The following MAP4K4 variants were observed in gnomAD, a reference collection of about 807,000 sequenced individuals.
MAP4K4 encodes the protein HPK/GCK-like kinase HGK.
A neutral mutation model predicts 189.6 loss-of-function variants in MAP4K4; 38 were observed. That is an observed-to-expected ratio of 0.20 (90% CI 0.15 to 0.26). The LOEUF (loss-of-function observed/expected upper bound fraction) is 0.26. Ranked by LOEUF, MAP4K4 falls within the 10% of genes least tolerant of loss-of-function variation. The pLI is 1.00. For missense variants in MAP4K4, 1,054 were observed against 1,726.9 expected (o/e 0.61, Z 6.91); for synonymous variants, 610 against 624.3 (o/e 0.98, Z 0.34).
chr2:101,888,746 A>G (rs756404814), intron 31 of MAP4K4, 50 bp from the exon 32 acceptor site: 1 of 1,442,222 alleles, frequency 6.9e-7, no homozygotes, highest in South Asian at 1.5e-5. Flanking sequence ...ACATCTTTTC[A>G]GGGCTGTTTC....
chr2:101,744,031 C>G (rs2064011417), intron 2 of MAP4K4, among the ~76,000 whole-genome samples: 1 of 152,158 alleles, frequency 6.6e-6, no homozygotes, highest in Non-Finnish European at 1.5e-5. Context: ...TCTAGCACCT[C>G]TCTTTACTCT....
chr2:101,732,361 A>T lies in MAP4K4; in HGVS notation c.123+33823A>T, dbSNP rs2058813545. On this transcript the variant is annotated intron_variant, in intron 2 of 32. Coordinates refer to ENST00000324219, the Ensembl canonical transcript of MAP4K4. ...GAGAATGGCAGGCAACCATTCAGAGAAAGTGGTTTTACCATCTCGAGGTGA... is the reference window on the plus strand; with the variant it reads ...GAGAATGGCAGGCAACCATTCAGAGTAAGTGGTTTTACCATCTCGAGGTGA... Among the ~76,000 whole-genome samples, 3 of 152,184 alleles carry T rather than the reference A, an allele frequency of 2.0e-5. No individual in the cohort carries two copies. The South Asian group carries it at 6.2e-4, about 32-fold the overall frequency.
chr2:101,889,425 C>T (rs2098533716), intron 32 of MAP4K4, among the ~76,000 whole-genome samples: 1 of 152,148 alleles, frequency 6.6e-6, no homozygotes, highest in Non-Finnish European at 1.5e-5. Context: ...GCAGACATAA[C>T]ATACCTCCTG....
At chr2:101,699,083 A>AGT (rs1425668815) in intron 2 of MAP4K4, among the ~76,000 whole-genome samples, 1 of 152,048 alleles carries the variant, frequency 6.6e-6, no homozygotes, top group Non-Finnish European at 1.5e-5. Context: ...AGCAGGGAGG[A>AGT]GTGTGTGTTT....
At chr2:101,762,920 T>C (rs1470214394) in intron 2 of MAP4K4, among the ~76,000 whole-genome samples, 1 of 152,124 alleles carries the variant, frequency 6.6e-6, no homozygotes, top group Admixed American at 6.6e-5. Flanking sequence ...TGGGGTGTTA[T>C]GTGTGTGGTG....
intron 16 of MAP4K4, chr2:101,861,311 A>G: frequency 4.9e-6 from 1 of 205,684 alleles, no homozygotes; most frequent in Non-Finnish European, 9.8e-6. Context: ...AACTGGGATT[A>G]TAAATACATA....
intron 26 of MAP4K4, among the ~76,000 whole-genome samples, chr2:101,875,831 A>G (rs1262870349): frequency 6.6e-6 from 1 of 152,240 alleles, no homozygotes; most frequent in Non-Finnish European, 1.5e-5. Context: ...GCCAAGGGGC[A>G]GGCAGTCTTA....
At chr2:101,863,737 T>C in intron 16 of MAP4K4, 84 bp from the exon 17 acceptor site, 8 of 890,324 alleles carry the variant, frequency 9.0e-6, no homozygotes, top group Non-Finnish European at 1.3e-5. Flanking sequence ...CCTCTGCCAG[T>C]TCCTGCTTTG....
At chr2:101,834,495 T>G in intron 8 of MAP4K4, 32 bp downstream of exon 8, 1 of 1,566,376 alleles carries the variant, frequency 6.4e-7, no homozygotes, top group Non-Finnish European at 8.7e-7. Flanking sequence ...TTAGCTCACT[T>G]GTTACATGTG....
chr2:101,776,083 T>C (rs2083941371), intron 2 of MAP4K4, among the ~76,000 whole-genome samples: 1 of 152,218 alleles, frequency 6.6e-6, no homozygotes. Context: ...GACTGGAGCC[T>C]TTCTGACATT....
At chr2:101,868,124 C>T in intron 21 of MAP4K4, 87 bp downstream of exon 21, 1 of 1,410,758 alleles carries the variant, frequency 7.1e-7, no homozygotes, top group Non-Finnish European at 9.9e-7. Flanking sequence ...CGGTCCTGCT[C>T]CTTCCTCAAC....
intron 2 of MAP4K4, among the ~76,000 whole-genome samples, chr2:101,744,494 C>A (rs995196825): frequency 2.0e-5 from 3 of 152,060 alleles, no homozygotes; most frequent in Admixed American, 1.3e-4. Flanking sequence ...CTTTAGTTTT[C>A]TTTTTTTCTG....
At chr2:101,745,852 TTTCC>T (rs1028085161) in intron 2 of MAP4K4, among the ~76,000 whole-genome samples, 1 of 152,054 alleles carries the variant, frequency 6.6e-6, no homozygotes. Context: ...TTTTTTTTTT[TTTCC>T]TTTGAGTGAG....
At chr2:101,784,123 A>T (rs1039976638) in intron 2 of MAP4K4, among the ~76,000 whole-genome samples, 4 of 152,112 alleles carry the variant, frequency 2.6e-5, no homozygotes, top group African/African-American at 9.7e-5. Flanking sequence ...TGGTGGGTCC[A>T]CCTCACTAGC....
At chr2:101,809,956 A>G (rs1383402459) in intron 3 of MAP4K4, among the ~76,000 whole-genome samples, 1 of 152,262 alleles carries the variant, frequency 6.6e-6, no homozygotes, top group Non-Finnish European at 1.5e-5. Context: ...ACATGAACAC[A>G]TAAGTGATTT....
chr2:101,705,317 G>T (rs1445825191), intron 2 of MAP4K4, among the ~76,000 whole-genome samples: 1 of 152,100 alleles, frequency 6.6e-6, no homozygotes, highest in Admixed American at 6.5e-5. Flanking sequence ...GAAAAACAGG[G>T]GGATGGACAC....
At chr2:101,799,702 A>G (rs541825610) in intron 3 of MAP4K4, among the ~76,000 whole-genome samples, 1 of 152,162 alleles carries the variant, frequency 6.6e-6, no homozygotes, top group East Asian at 1.9e-4. Flanking sequence ...CCTGGGCTCA[A>G]GTGATCCTCC....
chr2:101,802,732 C>A (rs1344484437), intron 3 of MAP4K4, among the ~76,000 whole-genome samples: 1 of 152,086 alleles, frequency 6.6e-6, no homozygotes, highest in Admixed American at 6.5e-5. Context: ...TCCACCATGC[C>A]ACTAACTGCC....
chr2:101,794,401 C>T (rs141651633), intron 3 of MAP4K4, among the ~76,000 whole-genome samples: 225 of 152,288 alleles, frequency 1.5e-3, no homozygotes, highest in African/African-American at 5.4e-3. Context: ...TGAGGTTTGT[C>T]TCTGAGAACA....
Sources: allele counts gnomAD v4.1 joint callset (sites outside exome capture counted in the v4.1 genomes callset), GRCh38; gene constraint gnomAD v4.1.1; transcripts MANE v1.5; gene names NCBI Gene and HGNC (gene_info 2026-07-23, HGNC 2026-07-21).